Variants in EMSY observed in about 807,000 individuals in gnomAD.
EMSY encodes EMSY transcriptional repressor, BRCA2 interacting, also known as BRCA2-interacting transcriptional repressor EMSY.
EMSY carries 26 observed loss-of-function variants against 134.6 expected under a neutral mutation model. That is an observed-to-expected ratio of 0.19 (90% CI 0.14 to 0.27). The LOEUF (loss-of-function observed/expected upper bound fraction) is 0.27. EMSY is among the 10% of genes least tolerant of loss of function. The pLI, the probability that EMSY is intolerant of heterozygous loss-of-function variation, is 1.00. For missense variants in EMSY, 1,305 were observed against 1,611.4 expected (o/e 0.81, Z 3.26); for synonymous variants, 579 against 577.8 (o/e 1.00, Z -0.03).
chr11:76,528,585 C>CTTTTTTTTTTT (rs1202039448), intron 14 of EMSY, 119 bp downstream of exon 15: 6 of 391,284 alleles, frequency 1.5e-5, no homozygotes, highest in African/African-American at 9.6e-5. Context: ...AATTCTTTTC[C>CTTTTTTTTTTT]TTTTTTTTTT....
chr11:76,536,314 C>T (rs1951223428), intron 15 of EMSY, among the ~76,000 whole-genome samples: 1 of 152,116 alleles, frequency 6.6e-6, no homozygotes, highest in Non-Finnish European at 1.5e-5. Flanking sequence ...AAATTGACAG[C>T]TCTGTCTTGT....
chr11:76,487,410 G>A (rs1297846172), intron 8 of EMSY, among the ~76,000 whole-genome samples: 1 of 152,212 alleles, frequency 6.6e-6, no homozygotes, highest in Non-Finnish European at 1.5e-5. Context: ...TCTTGCTCTT[G>A]TTTAACAGCT....
chr11:76,544,424 C>T, exon 19 of EMSY: 4 of 1,614,168 alleles, frequency 2.5e-6, no homozygotes, highest in Non-Finnish European at 3.4e-6. Flanking sequence ...CCAGCCCCCG[C>T]TGGAACAGAC....
chr11:76,516,162 C>G, exon 11 of EMSY: 4 of 1,613,566 alleles, frequency 2.5e-6, no homozygotes, highest in Non-Finnish European at 2.5e-6. Context: ...AACCTATACC[C>G]GGCCAACAGT....
chr11:76,496,498 T>C, intron 9 of EMSY, 29 bp downstream of exon 10: 1 of 1,609,628 alleles, frequency 6.2e-7, no homozygotes, highest in East Asian at 2.2e-5. Context: ...TAAGATATGG[T>C]AATTCTTCTT....
intron 7 of EMSY, among the ~76,000 whole-genome samples, chr11:76,469,150 T>G (rs1319499903): frequency 6.6e-6 from 1 of 152,166 alleles, no homozygotes; most frequent in Non-Finnish European, 1.5e-5. Context: ...TTGCTGAAGT[T>G]TTGTCTTAAT....
chr11:76,445,685 C>T (rs1344025833), intron 1 of EMSY, among the ~76,000 whole-genome samples: 1 of 152,120 alleles, frequency 6.6e-6, no homozygotes. Flanking sequence ...GCGTTGCGGC[C>T]CCGCTCTGGG....
intron 9 of EMSY, among the ~76,000 whole-genome samples, chr11:76,498,690 A>G (rs914575921): frequency 6.6e-6 from 1 of 152,226 alleles, no homozygotes; most frequent in Non-Finnish European, 1.5e-5. Flanking sequence ...AGTCTGCCAT[A>G]TAAATTAATG....
chr11:76,522,960 G>A (rs2513507), intron 11 of EMSY, among the ~76,000 whole-genome samples, 195 bp from the exon 13 acceptor site: 139,776 of 152,244 alleles, frequency 0.92, 64,767 homozygotes, highest in South Asian at 0.98. Flanking sequence ...CTTTAACTGT[G>A]AATTCTTAAT....
chr11:76,458,864 C>G (rs75154251), intron 5 of EMSY: 1 of 152,128 alleles, frequency 6.6e-6, no homozygotes, highest in Admixed American at 6.6e-5. Flanking sequence ...CTTTAAAAAT[C>G]CTCCAATGCT....
intron 2 of EMSY, among the ~76,000 whole-genome samples, chr11:76,447,451 A>T (rs1276714837): frequency 6.6e-6 from 1 of 152,008 alleles, no homozygotes; most frequent in African/African-American, 2.4e-5. Context: ...ACTTTAACAT[A>T]CTCTTAACCT....
At position 76,516,392 on chromosome 11, in the gene EMSY, A is replaced by G. The variant is rs977811628; in HGVS notation, c.1684+80A>G. ...AAAAAACTTACTTCATTGAAGGATT[A>G]TATTTGATCTCAATTTTTTGCTTAG... On this transcript the variant is annotated intron_variant, in intron 11 of 20. Transcript: ENST00000334736. 3.8e-6 allele frequency: 4 copies of G among 1,053,638 alleles called. No individual in the cohort carries two copies. The African/African-American group carries it at 6.5e-5, about 17-fold the overall frequency. 65.3% of individuals were successfully genotyped at this position (1,053,638 alleles called of 1,614,324 possible).
chr11:76,523,132 C>T (rs746662096), intron 11 of EMSY, 23 bp from the exon 13 acceptor site: 15 of 1,599,450 alleles, frequency 9.4e-6, no homozygotes, highest in Non-Finnish European at 1.3e-5. Flanking sequence ...ACTCAGGCCT[C>T]CTTTTCTTCC....
chr11:76,452,056 A>G (rs1947691886), intron 3 of EMSY, 99 bp downstream of exon 3: 1 of 713,418 alleles, frequency 1.4e-6, no homozygotes, highest in African/African-American at 1.9e-5. Context: ...ATTAAGTTGA[A>G]GAACAGAGGT....
Position 76,548,819 on chromosome 11 carries a change from G to A in EMSY, c.3775-1133G>A, listed in dbSNP as rs548932621. 4.6e-5 allele frequency among the ~76,000 whole-genome samples: 7 copies of A among 152,304 alleles called. No individual in the cohort carries two copies. The South Asian group carries it at 1.5e-3, about 32-fold the overall frequency. ...TTTTCCCCAGTAAAGGGTTATTTTGGTCAGGCATATTTGCAAAGTGCTGAT... is the reference window on the plus strand; with the variant it reads ...TTTTCCCCAGTAAAGGGTTATTTTGATCAGGCATATTTGCAAAGTGCTGAT... On this transcript the variant is annotated intron_variant, in intron 20 of 20. Coordinates refer to ENST00000334736, the Ensembl canonical transcript of EMSY.
exon 21 of EMSY, chr11:76,551,070 A>G (rs1413599990): frequency 6.5e-6 from 1 of 152,798 alleles, no homozygotes; most frequent in African/African-American, 2.4e-5. Flanking sequence ...TTCACATTGG[A>G]CTGAGACTTT....
intron 9 of EMSY, among the ~76,000 whole-genome samples, chr11:76,502,467 C>T (rs1391255560): frequency 8.9e-6 from 1 of 112,296 alleles, no homozygotes; most frequent in East Asian, 2.7e-4. Flanking sequence ...AAAAAAAAAG[C>T]ATCCAGATTG....
At chr11:76,515,241 A>G (rs1173174755) in intron 10 of EMSY, among the ~76,000 whole-genome samples, 1 of 151,602 alleles carries the variant, frequency 6.6e-6, no homozygotes, top group Non-Finnish European at 1.5e-5. Context: ...GAAAATGGCT[A>G]TCAAAGTGGT....
chr11:76,503,649 C>T (rs578073466), intron 9 of EMSY, among the ~76,000 whole-genome samples: 5 of 152,102 alleles, frequency 3.3e-5, no homozygotes, highest in African/African-American at 4.8e-5. Flanking sequence ...GTAAAACTAT[C>T]AAACTCTTAG....
Sources: gnomAD v4.1 joint callset for allele counts (sites outside exome capture counted in the v4.1 genomes callset) on GRCh38, gnomAD v4.1.1 for gene constraint, MANE v1.5 for transcripts, NCBI Gene and HGNC (gene_info 2026-07-23, HGNC 2026-07-21) for gene names.